EVPL: variants seen among roughly 807,000 people sequenced by gnomAD.
The protein encoded by EVPL is envoplakin.
EVPL carries 94 observed loss-of-function variants against 129.7 expected under a neutral mutation model. The ratio of observed to expected loss-of-function variants is 0.72; its 90% CI spans 0.61 to 0.86. The LOEUF (loss-of-function observed/expected upper bound fraction) is 0.86, where lower values mean the gene tolerates loss of function less well. Ranked by LOEUF, EVPL falls within the 40% of genes least tolerant of loss-of-function variation. EVPL has a pLI of 0.00. For missense variants in EVPL, 2,625 were observed against 2,721.1 expected (o/e 0.96, Z 0.79); for synonymous variants, 1,172 against 1,191.1 (o/e 0.98, Z 0.33).
Position 76,022,310 on chromosome 17 carries a change from C to T in EVPL, c.607-83G>A. On this transcript the variant is annotated intron_variant, in intron 5 of 21. Coordinates refer to ENST00000301607, the MANE Select transcript of EVPL (RefSeq NM_001988.4). The surrounding 1 kb of genome is among the most constrained non-coding windows in gnomAD (Gnocchi z 5.6). ...CCCTAAGATCTGGGCCAGCCATACC[C>T]CACCCACCCCTATCCCCAGGGCCCA... is the stretch of plus-strand genomic sequence containing the variant. 6.3e-7 allele frequency: 1 copy of T among 1,599,978 alleles called. No homozygotes were observed. Among genetic ancestry groups the T allele is most frequent in the Non-Finnish European group, 8.5e-7 (1 of 1,173,862 alleles).
rs2066395409 is a variant in EVPL, at chr17:76,013,628, A to C, written c.2373+798T>G. ...TCCCCTTCAAGCAGTCACCAAGTCC[A>C]CCTAATTCTGCCATCTCCATCTCAG... On this transcript the variant is annotated intron_variant, in intron 18 of 21. Coordinates refer to ENST00000301607, the MANE Select transcript of EVPL (RefSeq NM_001988.4). This position sits in a 1 kb window ranked among gnomAD's most constrained non-coding sequence, Gnocchi z 4.3. 6.6e-6 allele frequency among the ~76,000 whole-genome samples: 1 copy of C among 151,764 alleles called. No individual in the cohort carries two copies. Among genetic ancestry groups the C allele is most frequent in the African/African-American group, 2.4e-5 (1 of 41,276 alleles).
chr17:76,018,792 G>T, intron 11 of EVPL, 122 bp downstream of exon 11: 1 of 1,311,770 alleles, frequency 7.6e-7, no homozygotes, highest in South Asian at 1.6e-5. Flanking sequence ...TCAAGGGAAG[G>T]AGTAGGGCAA....
chr17:76,010,289 C>T lies in EVPL; in HGVS notation c.2916G>A (p.Leu972=). 1 of 1,613,982 alleles carries T rather than the reference C, an allele frequency of 6.2e-7. No individual in the cohort carries two copies. ...CCTCCACCTGGGCCTTCACCCTGGA[C>T]AGGCTGCCCTCCAGCTGGGGGTCCC... is the stretch of plus-strand genomic sequence containing the variant. ...FYRDPQLEGS[L]SRVKAQVEEE... Residue 972 remains leucine, a synonymous_variant, in exon 22 of 22, where the codon CTG becomes CTA. Transcript: ENST00000301607.
intron 21 of EVPL, 187 bp downstream of exon 21, chr17:76,011,389 T>TG (rs2066375136): frequency 4.8e-6 from 3 of 622,504 alleles, no homozygotes; most frequent in African/African-American, 1.8e-5. Context: ...TAAGAGCTGC[T>TG]GGAGAGAAAA....
intron 1 of EVPL, among the ~76,000 whole-genome samples, chr17:76,025,350 G>A (rs980869466): frequency 6.6e-6 from 1 of 152,186 alleles, no homozygotes; most frequent in Non-Finnish European, 1.5e-5. Flanking sequence ...CATCTCCAGT[G>A]CCTAGAACAG....
rs200465568 is a variant in EVPL at position 76,007,899 on chromosome 17, C to T, written c.5306G>A (p.Gly1769Asp). ...SKEEYHLYKD[G>D]HLPISEFALL... ...CGCAAACTCGGAGATGGGCAGGTGG[C>T]CGTCCTTGTACAGATGGTACTCCTC... The change falls in exon 22 of 22, where the codon GGC becomes GAC. Residue 1769 changes from glycine (G) to aspartate (D), a missense_variant. By Grantham distance (94) the Gly-to-Asp change is moderately conservative. Transcript: ENST00000301607. This position sits in a 1 kb window ranked among gnomAD's most constrained non-coding sequence, Gnocchi z 8.8. 5 of 1,614,048 alleles carry T rather than the reference C, an allele frequency of 3.1e-6. No individual in the cohort carries two copies. The African/African-American group carries it at 6.7e-5, about 22-fold the overall frequency.
Position 76,022,914 on chromosome 17 carries a change from G to A in EVPL, c.481-376C>T, listed in dbSNP as rs1158522626. 2.0e-5 allele frequency among the ~76,000 whole-genome samples: 3 copies of A among 152,108 alleles called. No homozygotes were observed. The highest frequency in any genetic ancestry group is 7.2e-5 in the African/African-American group (3 of 41,412). On this transcript the variant is annotated intron_variant, in intron 4 of 21. Transcript: ENST00000301607. The surrounding 1 kb of genome is among the most constrained non-coding windows in gnomAD (Gnocchi z 5.6). ...TGTCATGATGACACCCCTTCTGTGT[G>A]GCATCAAAGCACAACTCCTCAACCA...
At position 76,009,902 on chromosome 17, in the gene EVPL, C is replaced by T. The variant is rs2066361995; in HGVS notation, c.3303G>A (p.Glu1101=). The change falls in exon 22 of 22, where the codon GAG becomes GAA. Residue 1101 remains glutamate (E), a synonymous_variant. Coordinates refer to ENST00000301607, the MANE Select transcript of EVPL (RefSeq NM_001988.4). The surrounding 1 kb of genome is among the most constrained non-coding windows in gnomAD (Gnocchi z 5.9). ...AAQALRLQME[E]DAARRKQAEE... is the part of the protein sequence containing the mutation. The stretch of plus-strand genomic sequence containing the variant: ...CCGCCTGCTTCCTCCGCGCAGCATC[C>T]TCCTCCATCTGCAGCCTCAGAGCCT... 6.2e-7 allele frequency: 1 copy of T among 1,614,192 alleles called. No homozygotes were observed. The highest frequency in any genetic ancestry group is 8.5e-7 in the Non-Finnish European group (1 of 1,180,044).
rs777097978 is a variant in EVPL at position 76,024,072 on chromosome 17, G to A, written c.147C>T (p.Asn49=). 9.9e-6 allele frequency: 16 copies of A among 1,613,768 alleles called. No homozygotes were observed. The highest frequency in any genetic ancestry group is 1.3e-5 in the African/African-American group (1 of 74,928). Reference sequence around the variant, plus strand: ...GGATGTCCCGCTCCACCTGGTCGGCGTTGGCTTGCATGCGGGAGATGAGAA... The same window carrying A: ...GGATGTCCCGCTCCACCTGGTCGGCATTGGCTTGCATGCGGGAGATGAGAA... ...LALLISRMQA[N]ADQVERDILE... is the part of the protein sequence containing the mutation. The change falls in exon 2 of 22, where the codon AAC becomes AAT. Residue 49 remains asparagine (N), a synonymous_variant. Transcript: ENST00000301607. The surrounding 1 kb of genome is among the most constrained non-coding windows in gnomAD (Gnocchi z 4.5).
chr17:76,022,123 G>A lies in EVPL; in HGVS notation c.645+66C>T. ...GCCGCGCTCAGGAACACTGGCCCCG[G>A]GCAGGGTCCGGGCGGCCACCCAGGC... On this transcript the variant is annotated intron_variant, in intron 6 of 21. Transcript: ENST00000301607. This position sits in a 1 kb window ranked among gnomAD's most constrained non-coding sequence, Gnocchi z 5.6. 6.3e-7 allele frequency: 1 copy of A among 1,598,078 alleles called. No homozygotes were observed. Among genetic ancestry groups the A allele is most frequent in the Non-Finnish European group, 8.5e-7 (1 of 1,174,086 alleles).
At position 76,013,198 on chromosome 17, in the gene EVPL, T is replaced by TTGGTCTGGGGAGGGGTCC. The variant is rs2066392414; in HGVS notation, c.2374-1127_2374-1110dup. ...CTCTGACCACAATAATCCAACTTAT[T>TTGGTCTGGGGAGGGGTCC]TGGTCTGGGGAGGGGTCCTGGCCTG... On this transcript the variant is annotated intron_variant, in intron 18 of 21. Transcript: ENST00000301607. This position sits in a 1 kb window ranked among gnomAD's most constrained non-coding sequence, Gnocchi z 4.3. Among the ~76,000 whole-genome samples, 1 of 152,178 alleles carries TTGGTCTGGGGAGGGGTCC rather than the reference T, an allele frequency of 6.6e-6. No homozygotes were observed. The highest frequency in any genetic ancestry group is 1.5e-5 in the Non-Finnish European group (1 of 68,030).
At chr17:76,019,831 C>T (rs1283258996) in intron 9 of EVPL, among the ~76,000 whole-genome samples, 178 bp from the exon 10 acceptor site, 1 of 152,196 alleles carries the variant, frequency 6.6e-6, no homozygotes, top group East Asian at 1.9e-4. Context: ...CCAGTAACCG[C>T]TAAGCCAGCT....
Position 76,007,721 on chromosome 17 carries a change from G to A in EVPL, c.5484C>T (p.Ala1828=), listed in dbSNP as rs370322500. Residue 1828 remains alanine, a synonymous_variant, in exon 22 of 22, where the codon GCC becomes GCT. Transcript: ENST00000301607. The surrounding 1 kb of genome is among the most constrained non-coding windows in gnomAD (Gnocchi z 8.8). ...TGTCTGTGGTTGTGTCATAGATCCC[G>A]GCGATAGGGAAGCTGTCATCACCGA... The part of the protein sequence containing the change: ...LGLGDDSFPI[A]GIYDTTTDNK... The A allele has an allele frequency of 1.4e-5, 22 of 1,612,944 alleles. No individual in the cohort carries two copies. The highest frequency in any genetic ancestry group is 6.7e-5 in the Admixed American group (4 of 59,988).
chr17:76,009,205 G>C lies in EVPL; in HGVS notation c.4000C>G (p.Arg1334Gly), dbSNP rs555270916. The change falls in exon 22 of 22, where the codon CGC becomes GGC. Residue 1334 changes from arginine (R) to glycine (G), a missense_variant. Transcript: ENST00000301607. This position sits in a 1 kb window ranked among gnomAD's most constrained non-coding sequence, Gnocchi z 5.9. ...TGGGCCGCCTCCCGCACCTCCTGGC[G>C]GAGCCGCTCTGCTTCTTTCTCCAGC... ...PVLEKEAERLRQEVREAAQKR... is the reference protein window; with the variant it reads ...PVLEKEAERLGQEVREAAQKR... 1 of 1,609,510 alleles carries C rather than the reference G, an allele frequency of 6.2e-7. No individual in the cohort carries two copies. The highest frequency in any genetic ancestry group is 1.7e-5 in the Admixed American group (1 of 60,010).
Position 76,009,204 on chromosome 17 carries a change from C to A in EVPL, c.4001G>T (p.Arg1334Leu), listed in dbSNP as rs755060864. Residue 1334 changes from arginine to leucine, a missense_variant, in exon 22 of 22, where the codon CGC (arginine) becomes CTC (leucine). Around this residue, in one of 4 missense-constraint regions of EVPL, gnomAD observed 1,453 missense variants for 1,511.8 expected, o/e 0.96. Transcript: ENST00000301607. The surrounding 1 kb of genome is among the most constrained non-coding windows in gnomAD (Gnocchi z 5.9). ...CTGGGCCGCCTCCCGCACCTCCTGG[C>A]GGAGCCGCTCTGCTTCTTTCTCCAG... ...PVLEKEAERL[R>L]QEVREAAQKR... The A allele has an allele frequency of 5.0e-6, 8 of 1,609,426 alleles. No individual in the cohort carries two copies. Among genetic ancestry groups the A allele is most frequent in the Non-Finnish European group, 6.8e-6 (8 of 1,179,910 alleles).
At chr17:76,019,158 T>C (rs962420732) in intron 10 of EVPL, 98 bp from the exon 11 acceptor site, 4 of 1,304,086 alleles carry the variant, frequency 3.1e-6, no homozygotes, top group Non-Finnish European at 4.0e-6. Flanking sequence ...CTGGCCTTCA[T>C]GAAGGCAGGG....
chr17:76,019,740 A>C, intron 9 of EVPL, 87 bp from the exon 10 acceptor site: 1 of 1,489,428 alleles, frequency 6.7e-7, no homozygotes, highest in South Asian at 1.4e-5. Flanking sequence ...AGCCAGCTAA[A>C]CACAAAGCAG....
intron 17 of EVPL, among the ~76,000 whole-genome samples, 167 bp from the exon 18 acceptor site, chr17:76,014,743 A>C (rs2066404336): frequency 6.6e-6 from 1 of 152,176 alleles, no homozygotes; most frequent in South Asian, 2.1e-4. Flanking sequence ...GAGATGGGAC[A>C]GTCTCTACCA....
Position 76,023,501 on chromosome 17 carries a change from CCTT to C in EVPL, c.349_351del (p.Lys117del), listed in dbSNP as rs762534558. On this transcript the variant is annotated inframe_deletion and splice_region_variant, in exon 3 of 22. Transcript: ENST00000301607. ...CAGCCCTGCCGCAGCTCCACTCACT[CCTT>C]CTCAATCTCCTCAGCCTGCGGGTGC... The C allele has an allele frequency of 5.0e-6, 8 of 1,612,962 alleles. No individual in the cohort carries two copies. Among genetic ancestry groups the C allele is most frequent in the Middle Eastern group, 1.7e-4 (1 of 6,044 alleles).
Sources: gnomAD v4.1 joint callset for allele counts (sites outside exome capture counted in the v4.1 genomes callset) on GRCh38, gnomAD v4.1.1 for gene constraint, gnomAD v4.1.1 regional missense constraint, Gnocchi (gnomAD v3.1) non-coding constraint, MANE v1.5 for transcripts, NCBI Gene and HGNC (gene_info 2026-07-23, HGNC 2026-07-21) for gene names.